UBAP1L: variants seen among roughly 807,000 people sequenced by gnomAD.
UBAP1L encodes ubiquitin associated protein 1 like.
In UBAP1L, 32 loss-of-function variants were observed where a neutral mutation model predicts 32.1. The ratio of observed to expected loss-of-function variants is 1.00; its 90% CI spans 0.75 to 1.34. The LOEUF is 1.34. Among genes scored for constraint, UBAP1L ranks in the 40% most tolerant of loss-of-function variants. The pLI is 0.00. For missense variants in UBAP1L, 516 were observed against 540.5 expected (o/e 0.95, Z 0.45); for synonymous variants, 243 against 250.2 (o/e 0.97, Z 0.27).
At chr15:65,114,505 T>C (rs1370830841) in intron 1 of UBAP1L, among the ~76,000 whole-genome samples, 1 of 152,202 alleles carries the variant, frequency 6.6e-6, no homozygotes, top group East Asian at 1.9e-4. Context: ...GAATGAAATA[T>C]ATAAATTGGC....
At chr15:65,099,874 CT>C in intron 3 of UBAP1L, 160 bp from the exon 4 acceptor site, 1 of 615,746 alleles carries the variant, frequency 1.6e-6, no homozygotes, top group Non-Finnish European at 2.8e-6. Flanking sequence ...CTCTCTAATG[CT>C]TACTCAGTAT....
chr15:65,114,594 A>C (rs531633843), intron 1 of UBAP1L, among the ~76,000 whole-genome samples: 1 of 152,172 alleles, frequency 6.6e-6, no homozygotes, highest in African/African-American at 2.4e-5. Flanking sequence ...TCTTCACTCT[A>C]AACTCCAGGA....
Position 65,102,921 on chromosome 15 carries a change from T to C in UBAP1L, c.121-237A>G, listed in dbSNP as rs1475301053. Among the ~76,000 whole-genome samples the C allele has an allele frequency of 6.6e-6, 1 of 152,246 alleles. No homozygotes were observed. The highest frequency in any genetic ancestry group is 1.5e-5 in the Non-Finnish European group (1 of 68,038). ...CTGGCATAAATGACAAAGTGATGAA[T>C]TCGTCAGTCGAATGAAATGTAATGA... On this transcript the variant is annotated intron_variant, in intron 2 of 5. Coordinates refer to ENST00000559089, the MANE Select transcript of UBAP1L (RefSeq NM_001163692.2). The surrounding 1 kb of genome is among the most constrained non-coding windows in gnomAD (Gnocchi z 5.0).
chr15:65,111,377 T>C (rs868790783), intron 1 of UBAP1L, among the ~76,000 whole-genome samples: 1 of 152,236 alleles, frequency 6.6e-6, no homozygotes, highest in Admixed American at 6.5e-5. Context: ...TTAGCAGGTA[T>C]AGGGCACCCT....
In UBAP1L at chr15:65,093,160, C is replaced by T; in HGVS notation, c.1083G>A (p.Val361=). The T allele has an allele frequency of 6.5e-7, 1 of 1,550,186 alleles. No homozygotes were observed. Among genetic ancestry groups the T allele is most frequent in the South Asian group, 1.2e-5 (1 of 83,964 alleles). Residue 361 remains valine, a synonymous_variant, in exon 6 of 6, where the codon GTG becomes GTA. Transcript: ENST00000559089. ...CTCGGCGGTTGCCATGGACCAGCAG[C>T]ACCTCCTTGATCCGGTCCTGCTGGA... ...MGFQQDRIKE[V]LLVHGNRREQ...
chr15:65,099,713 G>A lies in UBAP1L; in HGVS notation c.701C>T (p.Ser234Phe). The change falls in exon 4 of 6, where the codon TCC (serine) becomes TTC (phenylalanine). Residue 234 changes from serine (S) to phenylalanine (F), a missense_variant and splice_region_variant. By Grantham distance (155) the Ser-to-Phe change is radical (BLOSUM62 -2). Transcript: ENST00000559089. The stretch of plus-strand genomic sequence containing the variant: ...TGGCAGACAGGTGTACGGGCTGAGG[G>A]ACTGAAATACAGACAGACTGGACAT... Reference protein sequence around the residue: ...PLRSHKPTVASLSPYTCLPPL... With the variant: ...PLRSHKPTVAFLSPYTCLPPL... 6.5e-7 allele frequency: 1 copy of A among 1,547,186 alleles called. No homozygotes were observed. Among genetic ancestry groups the A allele is most frequent in the Non-Finnish European group, 8.7e-7 (1 of 1,144,086 alleles).
At chr15:65,104,246 T>A (rs530280637) in intron 2 of UBAP1L, among the ~76,000 whole-genome samples, 12 of 146,482 alleles carry the variant, frequency 8.2e-5, no homozygotes, top group Admixed American at 7.7e-4. Flanking sequence ...AAAGCGAGAC[T>A]CTGTCGAAAG....
intron 2 of UBAP1L, chr15:65,105,767 G>T: frequency 1.4e-6 from 1 of 698,324 alleles, no homozygotes; most frequent in East Asian, 2.8e-5. Context: ...AGTGGGGCTG[G>T]ATAGAAGGTC....
chr15:65,114,027 C>T (rs906531753), intron 1 of UBAP1L, among the ~76,000 whole-genome samples: 1 of 152,006 alleles, frequency 6.6e-6, no homozygotes, highest in Non-Finnish European at 1.5e-5. Flanking sequence ...GCTGGGATTA[C>T]AAGCACCTGC....
In UBAP1L at chr15:65,102,594, C is replaced by T. The variant is rs1222247016; in HGVS notation, c.211G>A (p.Ala71Thr). Reference protein sequence around the residue: ...SPYQCGDPGTASAPPAWLLLV... With the variant: ...SPYQCGDPGTTSAPPAWLLLV... ...AAGAGCCAGGCTGGAGGGGCTGACGCTGTCCCCGGGTCACCGCACTGGTAC... is the reference window on the plus strand; with the variant it reads ...AAGAGCCAGGCTGGAGGGGCTGACGTTGTCCCCGGGTCACCGCACTGGTAC... Residue 71 changes from alanine to threonine, a missense_variant, in exon 3 of 6, where the codon GCG becomes ACG. Coordinates refer to ENST00000559089, the MANE Select transcript of UBAP1L (RefSeq NM_001163692.2). This position sits in a 1 kb window ranked among gnomAD's most constrained non-coding sequence, Gnocchi z 5.0. 1.3e-6 allele frequency: 2 copies of T among 1,548,038 alleles called. No individual in the cohort carries two copies. Among genetic ancestry groups the T allele is most frequent in the East Asian group, 4.9e-5 (2 of 40,668 alleles).
At position 65,102,377 on chromosome 15, in the gene UBAP1L, C is replaced by T. The variant is rs1435851219; in HGVS notation, c.428G>A (p.Cys143Tyr). Residue 143 changes from cysteine (C) to tyrosine (Y), a missense_variant, in exon 3 of 6, where the codon TGC (cysteine) becomes TAC (tyrosine). By Grantham distance (194) the Cys-to-Tyr change is radical. Coordinates refer to ENST00000559089, the MANE Select transcript of UBAP1L (RefSeq NM_001163692.2). This position sits in a 1 kb window ranked among gnomAD's most constrained non-coding sequence, Gnocchi z 5.0. ...CACGCCGCGTAGCACGTCCAGCGAG[C>T]ACAGGCGACGGCCGGGGCCGGGGCT... Reference protein sequence around the residue: ...PASPGPGRRLCSLDVLRGVRL... With the variant: ...PASPGPGRRLYSLDVLRGVRL... The T allele has an allele frequency of 1.4e-6, 2 of 1,464,960 alleles. No homozygotes were observed. The highest frequency in any genetic ancestry group is 1.8e-6 in the Non-Finnish European group (2 of 1,116,642). The allele number at this position is 1,464,960 out of a possible 1,614,324, so 90.7% of individuals were successfully genotyped here. A position where few individuals can be genotyped will look rare whatever the true frequency, so the allele number is the denominator to read the frequency against.
rs148450452 is a variant in UBAP1L at position 65,105,601 on chromosome 15, G to A, written c.120+495C>T. 2,706 of 618,748 alleles carry A rather than the reference G, an allele frequency of 4.4e-3. 18 individuals carry two copies. The highest frequency in any genetic ancestry group is 0.011 in the Middle Eastern group (22 of 2,072). The allele number at this position is 618,748 out of a possible 1,614,324, so 38.3% of individuals were successfully genotyped here. A position where few individuals can be genotyped will look rare whatever the true frequency, so the allele number is the denominator to read the frequency against. The stretch of plus-strand genomic sequence containing the variant: ...TGCAAATCAAGAGGTTCAAATTTTC[G>A]TGTTCACTTTAAGAACACTCGTGAA... On this transcript the variant is annotated intron_variant, in intron 2 of 5. Transcript: ENST00000559089.
intron 1 of UBAP1L, among the ~76,000 whole-genome samples, chr15:65,109,696 A>C (rs2087355498): frequency 6.6e-6 from 1 of 152,190 alleles, no homozygotes; most frequent in South Asian, 2.1e-4. Context: ...AGGATATCCA[A>C]ATAGCCAATA....
Position 65,102,591 on chromosome 15 carries a change from A to G in UBAP1L, c.214T>C (p.Ser72Pro), listed in dbSNP as rs1178355155. 6.5e-7 allele frequency: 1 copy of G among 1,547,914 alleles called. No homozygotes were observed. The highest frequency in any genetic ancestry group is 2.0e-5 in the Admixed American group (1 of 50,766). Residue 72 changes from serine to proline, a missense_variant, in exon 3 of 6, where the codon TCA becomes CCA. Ser to Pro is a moderately conservative substitution (Grantham distance 74, BLOSUM62 -1). Coordinates refer to ENST00000559089, the MANE Select transcript of UBAP1L (RefSeq NM_001163692.2). This position sits in a 1 kb window ranked among gnomAD's most constrained non-coding sequence, Gnocchi z 5.0. ...AGCAAGAGCCAGGCTGGAGGGGCTG[A>G]CGCTGTCCCCGGGTCACCGCACTGG... ...PYQCGDPGTA[S>P]APPAWLLLVS...
rs565735728 is a variant in UBAP1L at position 65,094,108 on chromosome 15, C to T, written c.1011+367G>A. 6.6e-6 allele frequency among the ~76,000 whole-genome samples: 1 copy of T among 152,280 alleles called. No homozygotes were observed. The highest frequency in any genetic ancestry group is 1.9e-4 in the East Asian group (1 of 5,186). ...TGCACTTGGGGTAGGCGGCACGCTC[C>T]CCAAGTAGAAAGGTCATGCATCTTT... is the stretch of plus-strand genomic sequence containing the variant. On this transcript the variant is annotated intron_variant, in intron 5 of 5. Transcript: ENST00000559089. The surrounding 1 kb of genome is among the most constrained non-coding windows in gnomAD (Gnocchi z 4.2).
At position 65,092,874 on chromosome 15, in the gene UBAP1L, G is replaced by A. The variant is rs1013624943; in HGVS notation, c.*223C>T. ...TTCACAGGCATGCATGAAGAACATA[G>A]CTCCCCGTCCGGCTCTCCCATCTGC... is the stretch of plus-strand genomic sequence containing the variant. On this transcript the variant is annotated 3_prime_UTR_variant, in exon 6 of 6. Coordinates refer to ENST00000559089, the MANE Select transcript of UBAP1L (RefSeq NM_001163692.2). 5.1e-6 allele frequency: 3 copies of A among 590,366 alleles called. No homozygotes were observed. The highest frequency in any genetic ancestry group is 8.5e-6 in the Non-Finnish European group (3 of 351,144). The allele number at this position is 590,366 out of a possible 1,614,324, so 36.6% of individuals were successfully genotyped here.
At chr15:65,099,810 G>T in intron 3 of UBAP1L, 96 bp from the exon 4 acceptor site, 1 of 1,050,214 alleles carries the variant, frequency 9.5e-7, no homozygotes. Context: ...ACCACCTTCT[G>T]TACAGAGTGT....
Position 65,106,359 on chromosome 15 carries a change from G to T in UBAP1L, c.-144C>A. On this transcript the variant is annotated 5_prime_UTR_variant, in exon 2 of 6. The change creates a new upstream start codon in the 5' untranslated region. Transcript: ENST00000559089. ...TGGTCACTTAGCTGAGCCCCAAACA[G>T]CTGGAAAGGAAAAGGTGAGGGGGCC... 3.0e-6 allele frequency: 3 copies of T among 997,016 alleles called. No individual in the cohort carries two copies. Among genetic ancestry groups the T allele is most frequent in the Non-Finnish European group, 4.2e-6 (3 of 721,646 alleles). The allele number at this position is 997,016 out of a possible 1,614,324, so 61.8% of individuals were successfully genotyped here.
At chr15:65,104,349 G>T (rs1457790183) in intron 2 of UBAP1L, among the ~76,000 whole-genome samples, 1 of 151,268 alleles carries the variant, frequency 6.6e-6, no homozygotes, top group African/African-American at 2.4e-5. Context: ...GAAAAGAAAA[G>T]AAAAGAAAAA....
Sources: allele counts gnomAD v4.1 joint callset (sites outside exome capture counted in the v4.1 genomes callset), GRCh38; gene constraint gnomAD v4.1.1; non-coding constraint Gnocchi (gnomAD v3.1); transcripts MANE v1.5; gene names NCBI Gene and HGNC (gene_info 2026-07-23, HGNC 2026-07-21).